Variants in DENND11 observed in about 807,000 individuals in gnomAD.
The protein encoded by DENND11 is DENN domain containing 11.
In DENND11, 34 loss-of-function variants were observed where a neutral mutation model predicts 49.2. The observed-to-expected ratio is 0.69, with a 90% CI of 0.53 to 0.92. DENND11 has a LOEUF of 0.92. Ranked by LOEUF, DENND11 falls within the 40% of genes least tolerant of loss-of-function variation. The probability of loss-of-function intolerance (pLI) is 0.00; values close to 1 mark genes in which losing one functional copy is unlikely to be tolerated. For synonymous variants in DENND11, 238 were observed against 230.3 expected (o/e 1.03, Z -0.30); for missense variants, 475 against 581.6 (o/e 0.82, Z 1.88).
chr7:141,671,678 A>G (rs1797982367), intron 4 of DENND11, among the ~76,000 whole-genome samples: 1 of 152,174 alleles, frequency 6.6e-6, no homozygotes, highest in Admixed American at 6.5e-5. Context: ...GGGGAAGAAT[A>G]CGAGTACATT....
chr7:141,675,811 C>T lies in DENND11; in HGVS notation c.528-1591G>A, dbSNP rs138253155. ...AAAGGAAAAAAATCATCACTATATT[C>T]ATATAATGATTACTAATGTAAGATG... is the stretch of plus-strand genomic sequence containing the variant. On this transcript the variant is annotated intron_variant, in intron 3 of 8. Transcript: ENST00000536163. 4.1e-3 allele frequency among the ~76,000 whole-genome samples: 618 copies of T among 151,910 alleles called. 7 individuals carry two copies. The highest frequency in any genetic ancestry group is 0.014 in the African/African-American group (575 of 41,530).
Position 141,664,965 on chromosome 7 carries a change from G to A in DENND11, c.1042C>T (p.Gln348Ter), listed in dbSNP as rs756544686. The change falls in exon 7 of 9, where the codon CAG (glutamine) becomes TAG (stop). Residue 348 changes from glutamine to a stop codon, truncating the protein, a stop_gained. Coordinates refer to ENST00000536163, the MANE Select transcript of DENND11 (RefSeq NM_001080392.2). LOFTEE classifies it high-confidence loss of function. ...QNVKTHHDHL[Q>*]PLLKINSADR... ...GCACTGTTGATCTTCAGCAGCGGCT[G>A]CAGGTGGTCGTGGTGTGTCTTCACA... The A allele has an allele frequency of 2.5e-6, 4 of 1,613,754 alleles. No individual in the cohort carries two copies. The highest frequency in any genetic ancestry group is 3.4e-6 in the Non-Finnish European group (4 of 1,179,814).
chr7:141,685,090 T>G (rs934039055), intron 3 of DENND11, among the ~76,000 whole-genome samples: 1 of 145,176 alleles, frequency 6.9e-6, no homozygotes, highest in East Asian at 2.1e-4. Context: ...ATCCCAATCA[T>G]AGTAAGAATC....
rs144471672 is a variant in DENND11 at position 141,682,484 on chromosome 7, T to C, written c.527+2994A>G. Among the ~76,000 whole-genome samples the C allele has an allele frequency of 2.7e-3, 414 of 152,328 alleles. 1 individual carries two copies. The highest frequency in any genetic ancestry group is 9.8e-3 in the African/African-American group (409 of 41,574). ...GTCTCTGTGATTGAGGACTTGACAA[T>C]GGAATATGAGAAGTGAGATATGTAA... On this transcript the variant is annotated intron_variant, in intron 3 of 8. Transcript: ENST00000536163.
At chr7:141,692,276 A>C (rs1389948517) in intron 1 of DENND11, among the ~76,000 whole-genome samples, 1 of 152,220 alleles carries the variant, frequency 6.6e-6, no homozygotes, top group Non-Finnish European at 1.5e-5. Context: ...GCGGATATCG[A>C]CAAGTTAATT....
intron 3 of DENND11, among the ~76,000 whole-genome samples, chr7:141,683,879 C>T (rs1798188607): frequency 6.6e-6 from 1 of 152,144 alleles, no homozygotes. Flanking sequence ...ATGCAAGATC[C>T]TTTCAAAGAA....
chr7:141,679,726 T>C (rs199529628), intron 3 of DENND11, among the ~76,000 whole-genome samples: 4 of 134,232 alleles, frequency 3.0e-5, no homozygotes, highest in South Asian at 2.4e-4. Flanking sequence ...AAAAAAAAAG[T>C]AAAAGAAATT....
chr7:141,665,424 G>A, intron 5 of DENND11, 106 bp from the exon 6 acceptor site: 2 of 1,467,754 alleles, frequency 1.4e-6, no homozygotes, highest in Admixed American at 2.0e-5. Flanking sequence ...TGGTGCTTCA[G>A]GATCCAGGTG....
chr7:141,685,058 A>ATT (rs1248312396), intron 3 of DENND11, among the ~76,000 whole-genome samples: 17 of 128,896 alleles, frequency 1.3e-4, no homozygotes, highest in South Asian at 2.7e-4. Context: ...ATATATATAT[A>ATT]TTTTTAAGTT....
intron 1 of DENND11, among the ~76,000 whole-genome samples, chr7:141,687,825 G>A (rs188628747): frequency 7.0e-4 from 107 of 152,012 alleles, no homozygotes; most frequent in African/African-American, 2.5e-3. Context: ...TAGTGGAGAC[G>A]GGGTTTCACC....
At chr7:141,667,983 C>T (rs540304438) in intron 4 of DENND11, among the ~76,000 whole-genome samples, 4 of 152,344 alleles carry the variant, frequency 2.6e-5, no homozygotes, top group East Asian at 3.9e-4. Context: ...TCCCTCCAAT[C>T]GCTATTTCTC....
At chr7:141,693,080 C>G (rs1798351779) in intron 1 of DENND11, among the ~76,000 whole-genome samples, 1 of 152,120 alleles carries the variant, frequency 6.6e-6, no homozygotes, top group South Asian at 2.1e-4. Context: ...AGACAAGCCA[C>G]AGACTGAGAG....
chr7:141,667,619 T>G (rs13244878), intron 4 of DENND11, among the ~76,000 whole-genome samples: 17,632 of 152,108 alleles, frequency 0.12, 1,412 homozygotes, highest in East Asian at 0.35. Flanking sequence ...TCATCACCCA[T>G]CAGGGAGGCA....
chr7:141,687,631 A>ACTTTTTTTTTTTTTTTTTTTTT, intron 1 of DENND11, among the ~76,000 whole-genome samples: 1 of 112,798 alleles, frequency 8.9e-6, no homozygotes, highest in African/African-American at 3.3e-5. Context: ...CACTCGGCTA[A>ACTTTTTTTTTTTTTTTTTTTTT]TTTTTTTTTT....
chr7:141,663,573 A>G (rs1020447126), intron 8 of DENND11: 2 of 152,244 alleles, frequency 1.3e-5, no homozygotes, highest in Non-Finnish European at 2.9e-5. Flanking sequence ...TATTAGAATC[A>G]AGGTGCTACA....
At chr7:141,662,885 C>T (rs186113124) in intron 8 of DENND11, 34 bp from the exon 9 acceptor site, 28 of 1,466,800 alleles carry the variant, frequency 1.9e-5, no homozygotes, top group Admixed American at 2.4e-5. Context: ...GGAAAGGAAG[C>T]GGGGGGGAAT....
At position 141,683,790 on chromosome 7, in the gene DENND11, C is replaced by T. The variant is rs80254332; in HGVS notation, c.527+1688G>A. 4.2e-3 allele frequency among the ~76,000 whole-genome samples: 639 copies of T among 152,324 alleles called. 4 individuals are homozygous for T. The highest frequency in any genetic ancestry group is 0.014 in the African/African-American group (594 of 41,562). ...GATAACAGTAGAACAATATCTATAG[C>T]ATCCTCAGGGGAAGAAGAAAGCATT... is the stretch of plus-strand genomic sequence containing the variant. On this transcript the variant is annotated intron_variant, in intron 3 of 8. Coordinates refer to ENST00000536163, the MANE Select transcript of DENND11 (RefSeq NM_001080392.2).
Position 141,665,025 on chromosome 7 carries a change from G to A in DENND11, c.982C>T (p.Arg328Trp), listed in dbSNP as rs539927359. ...TCCACGTAGACGTCATACAGCTCCC[G>A]CTTCTCCTCGAATATCTTCTCTGTG... ...CTTEKIFEEK[R>W]ELYDVYVDNQ... The change falls in exon 7 of 9, where the codon CGG becomes TGG. Residue 328 changes from arginine to tryptophan, a missense_variant. Transcript: ENST00000536163. The A allele has an allele frequency of 3.0e-5, 48 of 1,613,912 alleles. No individual in the cohort carries two copies. Among genetic ancestry groups the A allele is most frequent in the Middle Eastern group, 1.6e-4 (1 of 6,062 alleles).
chr7:141,691,289 C>G (rs2117078406), intron 1 of DENND11, among the ~76,000 whole-genome samples: 1 of 152,324 alleles, frequency 6.6e-6, no homozygotes, highest in South Asian at 2.1e-4. Context: ...CAACGTGGGT[C>G]TAGGTCCCTG....
Sources: allele counts gnomAD v4.1 joint callset (sites outside exome capture counted in the v4.1 genomes callset), GRCh38; gene constraint gnomAD v4.1.1; transcripts MANE v1.5; gene names NCBI Gene and HGNC (gene_info 2026-07-23, HGNC 2026-07-21).